SYNPO: variants seen among roughly 807,000 people sequenced by gnomAD.
The protein encoded by SYNPO is synaptopodin.
A neutral mutation model predicts 49.5 loss-of-function variants in SYNPO; 19 were observed. The observed-to-expected ratio is 0.38, with a 90% CI of 0.27 to 0.56. The LOEUF is 0.56. Ranked by LOEUF, SYNPO falls within the 20% of genes least tolerant of loss-of-function variation. The probability of loss-of-function intolerance (pLI) is 0.68; values close to 1 mark genes in which losing one functional copy is unlikely to be tolerated. For missense variants in SYNPO, 1,131 were observed against 1,248.3 expected (o/e 0.91, Z 1.42); for synonymous variants, 536 against 548.0 (o/e 0.98, Z 0.31).
At chr5:150,623,815 G>A (rs1332774861) in intron 2 of SYNPO, among the ~76,000 whole-genome samples, 1 of 152,206 alleles carries the variant, frequency 6.6e-6, no homozygotes, top group Non-Finnish European at 1.5e-5. Context: ...GATGAAAGTG[G>A]AACCACCCTG....
intron 2 of SYNPO, chr5:150,651,030 G>A (rs992347337): frequency 4.6e-5 from 56 of 1,209,364 alleles, no homozygotes; most frequent in Non-Finnish European, 5.3e-5. Context: ...CTGTTTTAGG[G>A]AGATCACTGG....
At chr5:150,594,883 C>G in the SYNPO span, among the ~76,000 whole-genome samples, 1 of 152,106 alleles carries the variant, frequency 6.6e-6, no homozygotes, top group Non-Finnish European at 1.5e-5. Context: ...ATCAACTGCC[C>G]CAGAAGTTTG....
chr5:150,637,217 C>T (rs550878577), upstream of SYNPO, among the ~76,000 whole-genome samples: 18 of 152,184 alleles, frequency 1.2e-4, no homozygotes, highest in Admixed American at 9.8e-4. Context: ...GTGGGAGGAG[C>T]GGGCAGGCTG....
chr5:150,647,153 G>A (rs1024638077), intron 1 of SYNPO, among the ~76,000 whole-genome samples: 1 of 151,884 alleles, frequency 6.6e-6, no homozygotes, highest in East Asian at 1.9e-4. Context: ...TGAGGCAGGA[G>A]AATCACTTGA....
In SYNPO at chr5:150,657,199, C is replaced by A; in HGVS notation, c.*112C>A. On this transcript the variant is annotated 3_prime_UTR_variant, in exon 3 of 3. Coordinates refer to ENST00000307662, the MANE Select transcript of SYNPO (RefSeq NM_007286.6). ...GGCAGCCCCAGAGATGAGGGGTCAG[C>A]AGAGGAGAGCTCTGGGGTTGGGGAT... The A allele has an allele frequency of 1.7e-6, 2 of 1,194,290 alleles. No individual in the cohort carries two copies. The highest frequency in any genetic ancestry group is 2.3e-6 in the Non-Finnish European group (2 of 871,302). 74.0% of individuals were successfully genotyped at this position (1,194,290 alleles called of 1,614,324 possible). A position where few individuals can be genotyped will look rare whatever the true frequency, so the allele number is the denominator to read the frequency against.
At chr5:150,652,807 T>A (rs931326029) in intron 2 of SYNPO, 5 of 152,244 alleles carry the variant, frequency 3.3e-5, no homozygotes. Context: ...ACTGTCTGGA[T>A]CCTAAAAGCA....
the SYNPO span, among the ~76,000 whole-genome samples, chr5:150,590,055 G>A: frequency 1.3e-5 from 2 of 152,246 alleles, no homozygotes; most frequent in East Asian, 3.8e-4. Context: ...GCTGCCAAGA[G>A]TTTTTTCTTT....
At chr5:150,613,526 T>G (rs887806146) in intron 1 of SYNPO, among the ~76,000 whole-genome samples, 3 of 152,246 alleles carry the variant, frequency 2.0e-5, no homozygotes, top group African/African-American at 7.2e-5. Flanking sequence ...AGCCTGCATT[T>G]GCAGTGTTGC....
intron 1 of SYNPO, among the ~76,000 whole-genome samples, chr5:150,605,266 T>C (rs1051280294): frequency 2.0e-5 from 3 of 152,080 alleles, no homozygotes; most frequent in African/African-American, 7.2e-5. Context: ...TGGTCTCAAA[T>C]CTTGCCATAA....
At chr5:150,620,288 A>G (rs1237766131) in intron 2 of SYNPO, among the ~76,000 whole-genome samples, 4 of 152,262 alleles carry the variant, frequency 2.6e-5, no homozygotes, top group African/African-American at 9.6e-5. Context: ...GTTTATACCT[A>G]ATTGAAATGA....
upstream of SYNPO, among the ~76,000 whole-genome samples, chr5:150,598,811 G>T (rs1320869171): frequency 6.6e-6 from 1 of 152,142 alleles, no homozygotes; most frequent in Non-Finnish European, 1.5e-5. Flanking sequence ...GAAGGCAGGG[G>T]CCGCTGATGG....
chr5:150,625,602 C>T (rs1194499810), intron 2 of SYNPO, among the ~76,000 whole-genome samples: 2 of 152,222 alleles, frequency 1.3e-5, no homozygotes, highest in African/African-American at 4.8e-5. Context: ...CCCTCCTTGC[C>T]AAGGTGAGAG....
the SYNPO span, among the ~76,000 whole-genome samples, chr5:150,590,762 A>G: frequency 6.6e-6 from 1 of 152,224 alleles, no homozygotes; most frequent in Non-Finnish European, 1.5e-5. Flanking sequence ...AATACTTAGC[A>G]CGGTGCCTGA....
rs952495542 is a variant in SYNPO, at chr5:150,658,079, G to A, written c.*992G>A. The stretch of plus-strand genomic sequence containing the variant: ...GAAAGAGAGAGACAAAGAGTTACTT[G>A]TTACGGGAAATATGAAAAGCATGGC... On this transcript the variant is annotated 3_prime_UTR_variant, in exon 3 of 3. Transcript: ENST00000307662. 1.3e-5 allele frequency: 2 copies of A among 152,402 alleles called. No individual in the cohort carries two copies. The highest frequency in any genetic ancestry group is 4.8e-5 in the African/African-American group (2 of 41,442). The allele number at this position is 152,402 out of a possible 1,614,324, so 9.4% of individuals were successfully genotyped here. A position where few individuals can be genotyped will look rare whatever the true frequency, so the allele number is the denominator to read the frequency against.
At chr5:150,651,047 G>A (rs892070181) in intron 2 of SYNPO, 7 of 1,188,624 alleles carry the variant, frequency 5.9e-6, no homozygotes, top group Non-Finnish European at 6.3e-6. Context: ...CTGGGCCCAG[G>A]CCTCAGCCCC....
At chr5:150,651,601 G>A (rs889724528) in intron 2 of SYNPO, 12 of 966,494 alleles carry the variant, frequency 1.2e-5, no homozygotes, top group African/African-American at 1.8e-5. Flanking sequence ...GCTGGGCTGG[G>A]CTGGGCTGGC....
chr5:150,594,522 G>T, the SYNPO span, among the ~76,000 whole-genome samples: 1 of 152,172 alleles, frequency 6.6e-6, no homozygotes, highest in Admixed American at 6.5e-5. Flanking sequence ...CCCTGGATCT[G>T]CTGCCATCTC....
chr5:150,650,808 C>G, intron 2 of SYNPO: 1 of 1,284,006 alleles, frequency 7.8e-7, no homozygotes. Context: ...GAGGCTCAAG[C>G]TCCTGGCGTC....
At chr5:150,586,880 A>G in the SYNPO span, among the ~76,000 whole-genome samples, 2 of 152,030 alleles carry the variant, frequency 1.3e-5, no homozygotes, top group Admixed American at 1.3e-4. Context: ...ATGTAGATGC[A>G]TGTATGTATA....
Sources: allele counts gnomAD v4.1 joint callset (sites outside exome capture counted in the v4.1 genomes callset), GRCh38; gene constraint gnomAD v4.1.1; transcripts MANE v1.5; gene names NCBI Gene and HGNC (gene_info 2026-07-23, HGNC 2026-07-21).